LINGO1: variants seen among roughly 807,000 people sequenced by gnomAD.
LINGO1 encodes the protein leucine-rich repeat and immunoglobulin-like domain-containing nogo receptor-interacting protein 1.
LINGO1 carries 11 observed loss-of-function variants against 37.3 expected under a neutral mutation model. The ratio of observed to expected loss-of-function variants is 0.29; its 90% CI spans 0.19 to 0.49. The LOEUF is 0.49. Ranked by LOEUF, LINGO1 falls within the 20% of genes least tolerant of loss-of-function variation. LINGO1 has a pLI of 0.99. For synonymous variants in LINGO1, 387 were observed against 403.0 expected (o/e 0.96, Z 0.48); for missense variants, 585 against 878.2 (o/e 0.67, Z 4.22).
intron 3 of LINGO1, among the ~76,000 whole-genome samples, chr15:77,673,803 C>A (rs1187441492): frequency 6.6e-6 from 1 of 152,178 alleles, no homozygotes; most frequent in African/African-American, 2.4e-5. Flanking sequence ...ATGGTTCTGC[C>A]AGGCTGTCTA....
intron 1 of LINGO1, among the ~76,000 whole-genome samples, chr15:77,754,725 C>T (rs1309579617): frequency 1.3e-5 from 2 of 152,218 alleles, no homozygotes; most frequent in Non-Finnish European, 2.9e-5. Flanking sequence ...GCAACCTCCT[C>T]AGAAGTCAGG....
chr15:77,791,307 A>G (rs924024598), upstream of LINGO1, among the ~76,000 whole-genome samples: 14 of 152,148 alleles, frequency 9.2e-5, no homozygotes, highest in Admixed American at 8.5e-4. Context: ...GTGACCAGAC[A>G]GGATAGCTCA....
At chr15:77,631,509 G>A (rs1030153951) in intron 1 of LINGO1, among the ~76,000 whole-genome samples, 2 of 152,170 alleles carry the variant, frequency 1.3e-5, no homozygotes, top group African/African-American at 4.8e-5. Flanking sequence ...AGTGGGATCC[G>A]CCCGGAGGGT....
At chr15:77,683,224 T>C (rs904016565) in intron 2 of LINGO1, among the ~76,000 whole-genome samples, 1 of 152,108 alleles carries the variant, frequency 6.6e-6, no homozygotes, top group African/African-American at 2.4e-5. Flanking sequence ...TTGAGAATGT[T>C]CAATGTGGAG....
chr15:77,772,364 G>A (rs917053798), intron 1 of LINGO1, among the ~76,000 whole-genome samples: 6 of 152,152 alleles, frequency 3.9e-5, no homozygotes, highest in African/African-American at 1.2e-4. Context: ...TTAACTTCCC[G>A]TAACCTCGGT....
At chr15:77,716,099 T>C (rs2075980908) in intron 2 of LINGO1, among the ~76,000 whole-genome samples, 1 of 152,146 alleles carries the variant, frequency 6.6e-6, no homozygotes, top group Non-Finnish European at 1.5e-5. Context: ...ACTCTTCTTA[T>C]CTCTATTTTA....
chr15:77,722,948 CT>C (rs1254192731), intron 2 of LINGO1, among the ~76,000 whole-genome samples: 1 of 152,186 alleles, frequency 6.6e-6, no homozygotes, highest in Non-Finnish European at 1.5e-5. Flanking sequence ...GGGGCTGGGC[CT>C]TCACAGCGCC....
chr15:77,646,905 A>T (rs2074644525), intron 3 of LINGO1, among the ~76,000 whole-genome samples: 1 of 152,126 alleles, frequency 6.6e-6, no homozygotes. Flanking sequence ...GCATTTACTC[A>T]TTTCATACTC....
intron 3 of LINGO1, among the ~76,000 whole-genome samples, chr15:77,651,110 G>A (rs528442345): frequency 3.9e-5 from 6 of 152,314 alleles, no homozygotes; most frequent in African/African-American, 1.4e-4. Context: ...CACAGGCAGA[G>A]GCCACTTTTG....
chr15:77,727,795 T>A (rs1490170939), intron 2 of LINGO1, among the ~76,000 whole-genome samples: 2 of 151,822 alleles, frequency 1.3e-5, no homozygotes, highest in Non-Finnish European at 2.9e-5. Flanking sequence ...ATCCTATAGA[T>A]GAGGAAACTA....
At chr15:77,631,514 G>A (rs2074253038) in intron 1 of LINGO1, among the ~76,000 whole-genome samples, 1 of 152,210 alleles carries the variant, frequency 6.6e-6, no homozygotes, top group Non-Finnish European at 1.5e-5. Context: ...GATCCGCCCG[G>A]AGGGTCACAT....
chr15:77,660,181 A>G (rs1194667186), intron 3 of LINGO1: 2 of 152,180 alleles, frequency 1.3e-5, no homozygotes, highest in Non-Finnish European at 2.9e-5. Context: ...TTTGAGGCTC[A>G]TGGTAAATAG....
At chr15:77,640,256 A>C (rs1031841312) in intron 3 of LINGO1, among the ~76,000 whole-genome samples, 1 of 152,194 alleles carries the variant, frequency 6.6e-6, no homozygotes, top group African/African-American at 2.4e-5. Flanking sequence ...ATTTGCAGAG[A>C]CCCTGTGAGC....
At chr15:77,721,419 C>T (rs1399198304) in intron 2 of LINGO1, among the ~76,000 whole-genome samples, 1 of 152,160 alleles carries the variant, frequency 6.6e-6, no homozygotes, top group Non-Finnish European at 1.5e-5. Context: ...CACCTCCTCC[C>T]AAAGCCCTTC....
intron 2 of LINGO1, among the ~76,000 whole-genome samples, chr15:77,793,013 G>A (rs2076830274): frequency 6.6e-6 from 1 of 152,158 alleles, no homozygotes; most frequent in Non-Finnish European, 1.5e-5. Flanking sequence ...GAGCTTCCTG[G>A]AAGAAACGAC....
chr15:77,819,002 A>G (rs2077072302), intron 1 of LINGO1, among the ~76,000 whole-genome samples: 1 of 151,104 alleles, frequency 6.6e-6, no homozygotes, highest in Non-Finnish European at 1.5e-5. Context: ...GGGCTCCACA[A>G]ACTTGCTGCA....
intron 2 of LINGO1, among the ~76,000 whole-genome samples, chr15:77,712,121 C>T (rs2075925605): frequency 6.6e-6 from 1 of 152,202 alleles, no homozygotes; most frequent in Non-Finnish European, 1.5e-5. Context: ...TCAACCCTTG[C>T]ATCCTTCTAG....
At chr15:77,646,699 C>T (rs915562434) in intron 3 of LINGO1, among the ~76,000 whole-genome samples, 2 of 152,234 alleles carry the variant, frequency 1.3e-5, no homozygotes, top group Non-Finnish European at 2.9e-5. Flanking sequence ...TGGGGCTTCT[C>T]TGTCCCCAGG....
chr15:77,796,427 T>C (rs577224173), intron 1 of LINGO1, among the ~76,000 whole-genome samples: 23 of 152,324 alleles, frequency 1.5e-4, no homozygotes, highest in Non-Finnish European at 2.6e-4. Context: ...TCCGGCTCTG[T>C]GGCCCTGCAA....
Sources: allele counts gnomAD v4.1 joint callset (sites outside exome capture counted in the v4.1 genomes callset), GRCh38; gene constraint gnomAD v4.1.1; transcripts MANE v1.5; gene names NCBI Gene and HGNC (gene_info 2026-07-23, HGNC 2026-07-21).